Variants in RAB3B observed in about 807,000 individuals in gnomAD.
RAB3B encodes ras-related protein Rab-3B.
Under a neutral mutation model 20.5 loss-of-function variants are expected in RAB3B, and 11 were observed. That is an observed-to-expected ratio of 0.54 (90% CI 0.34 to 0.89). The LOEUF (loss-of-function observed/expected upper bound fraction) is 0.89. RAB3B is among the 40% of genes least tolerant of loss of function. RAB3B has a pLI of 0.02. For synonymous variants in RAB3B, 99 were observed against 106.3 expected (o/e 0.93, Z 0.42); for missense variants, 225 against 280.9 (o/e 0.80, Z 1.42).
chr1:51,924,571 C>T (rs571605334), intron 4 of RAB3B, among the ~76,000 whole-genome samples: 1 of 152,062 alleles, frequency 6.6e-6, no homozygotes, highest in African/African-American at 2.4e-5. Context: ...ATCCTTAGAG[C>T]AGAAAACCCT....
At chr1:51,932,934 C>T (rs1007125342) in intron 4 of RAB3B, among the ~76,000 whole-genome samples, 4 of 152,096 alleles carry the variant, frequency 2.6e-5, no homozygotes, top group Non-Finnish European at 1.5e-5. Flanking sequence ...TTATTTTTCC[C>T]TCACCCTTGC....
chr1:51,960,485 A>G (rs1381445579), intron 2 of RAB3B, among the ~76,000 whole-genome samples: 1 of 152,106 alleles, frequency 6.6e-6, no homozygotes, highest in Non-Finnish European at 1.5e-5. Context: ...ACAGGATAAG[A>G]GTTTCCAGCT....
intron 2 of RAB3B, among the ~76,000 whole-genome samples, chr1:51,957,613 A>T (rs1246598095): frequency 6.6e-6 from 1 of 152,172 alleles, no homozygotes; most frequent in African/African-American, 2.4e-5. Context: ...AAGTAAGATA[A>T]GTGTTGTGAC....
intron 1 of RAB3B, among the ~76,000 whole-genome samples, chr1:51,987,300 A>G (rs2124323486): frequency 6.6e-6 from 1 of 152,310 alleles, no homozygotes; most frequent in Non-Finnish European, 1.5e-5. Context: ...GACTGAGTCC[A>G]AGAGACCTGG....
chr1:51,923,783 C>T (rs1684206412), intron 4 of RAB3B, among the ~76,000 whole-genome samples: 1 of 151,476 alleles, frequency 6.6e-6, no homozygotes, highest in Non-Finnish European at 1.5e-5. Flanking sequence ...GCCTGGAATC[C>T]CAGTACTTTG....
intron 1 of RAB3B, among the ~76,000 whole-genome samples, chr1:51,989,038 T>A (rs950397212): frequency 6.6e-6 from 1 of 151,056 alleles, no homozygotes; most frequent in Non-Finnish European, 1.5e-5. Context: ...ATAGGGCCTT[T>A]CACGGCTTCC....
At chr1:51,985,171 T>C (rs939725911) in intron 1 of RAB3B, among the ~76,000 whole-genome samples, 1 of 152,124 alleles carries the variant, frequency 6.6e-6, no homozygotes, top group Non-Finnish European at 1.5e-5. Context: ...CCCATGGAGG[T>C]ACTGAATACA....
intron 2 of RAB3B, among the ~76,000 whole-genome samples, chr1:51,938,822 G>A (rs1019525341): frequency 3.3e-5 from 5 of 151,358 alleles, no homozygotes; most frequent in Admixed American, 6.6e-5. Flanking sequence ...CACCACACCC[G>A]GCTAATTTTT....
intron 4 of RAB3B, among the ~76,000 whole-genome samples, chr1:51,923,784 C>A (rs1571956417): frequency 6.6e-6 from 1 of 151,568 alleles, no homozygotes; most frequent in Admixed American, 6.6e-5. Context: ...CCTGGAATCC[C>A]AGTACTTTGG....
intron 1 of RAB3B, among the ~76,000 whole-genome samples, chr1:51,987,941 G>A (rs1338878691): frequency 6.6e-6 from 1 of 151,992 alleles, no homozygotes; most frequent in Admixed American, 6.6e-5. Flanking sequence ...ACAGTGGCCT[G>A]ATCATAACTC....
intron 2 of RAB3B, among the ~76,000 whole-genome samples, chr1:51,939,679 A>T (rs975184970): frequency 1.3e-5 from 2 of 152,176 alleles, no homozygotes; most frequent in Non-Finnish European, 2.9e-5. Context: ...GGCTCAAGTG[A>T]TCCTCCCACC....
At chr1:51,982,421 C>A (rs1382996434) in intron 1 of RAB3B, among the ~76,000 whole-genome samples, 1 of 151,972 alleles carries the variant, frequency 6.6e-6, no homozygotes, top group East Asian at 1.9e-4. Flanking sequence ...TCAAAAAAGG[C>A]CATACGGTGT....
chr1:51,935,161 C>T (rs1684380560), intron 3 of RAB3B, among the ~76,000 whole-genome samples: 1 of 152,218 alleles, frequency 6.6e-6, no homozygotes, highest in South Asian at 2.1e-4. Context: ...AGTCCTGAAG[C>T]AGATCTTGAA....
At chr1:51,928,088 G>A (rs1684269540) in intron 4 of RAB3B, among the ~76,000 whole-genome samples, 1 of 152,046 alleles carries the variant, frequency 6.6e-6, no homozygotes, top group African/African-American at 2.4e-5. Flanking sequence ...GATATGGAAG[G>A]CCAATCACAA....
At chr1:51,937,167 T>C in intron 3 of RAB3B, 127 bp downstream of exon 3, 2 of 680,170 alleles carry the variant, frequency 2.9e-6, no homozygotes, top group Non-Finnish European at 4.9e-6. Context: ...CTCTCGTCTG[T>C]AAACTCCTGA....
chr1:51,966,299 G>A (rs1350096222), intron 2 of RAB3B, among the ~76,000 whole-genome samples: 1 of 152,242 alleles, frequency 6.6e-6, no homozygotes, highest in Non-Finnish European at 1.5e-5. Flanking sequence ...GGAGGTAGCT[G>A]TTCTTACAAC....
chr1:51,944,196 C>A (rs1282093284), intron 2 of RAB3B, among the ~76,000 whole-genome samples: 2 of 152,202 alleles, frequency 1.3e-5, no homozygotes, highest in Non-Finnish European at 2.9e-5. Context: ...TGCCTGTGCT[C>A]TAGAAATCGA....
chr1:51,939,008 A>C (rs1435817234), intron 2 of RAB3B, among the ~76,000 whole-genome samples: 1 of 152,184 alleles, frequency 6.6e-6, no homozygotes, highest in Non-Finnish European at 1.5e-5. Flanking sequence ...TATTACTCTT[A>C]TGTAAGGAGA....
chr1:51,939,916 C>T (rs1311433836), intron 2 of RAB3B, among the ~76,000 whole-genome samples: 2 of 152,164 alleles, frequency 1.3e-5, no homozygotes, highest in Non-Finnish European at 2.9e-5. Context: ...GCAGGTACCA[C>T]CACAACTCCA....
Sources: gnomAD v4.1 joint callset for allele counts (sites outside exome capture counted in the v4.1 genomes callset) on GRCh38, gnomAD v4.1.1 for gene constraint, MANE v1.5 for transcripts, NCBI Gene and HGNC (gene_info 2026-07-23, HGNC 2026-07-21) for gene names.